HERC5: variants seen among roughly 807,000 people sequenced by gnomAD.
HERC5 encodes E3 ISG15--protein ligase HERC5.
Under a neutral mutation model 119.6 loss-of-function variants are expected in HERC5, and 99 were observed. The ratio of observed to expected loss-of-function variants is 0.83; its 90% CI spans 0.70 to 0.98. The LOEUF (loss-of-function observed/expected upper bound fraction) is 0.98. Ranked by LOEUF, HERC5 falls within the 50% of genes least tolerant of loss-of-function variation. The pLI is 0.00. For synonymous variants in HERC5, 478 were observed against 445.9 expected, an observed-to-expected ratio of 1.07 and a Z score of -0.91; for missense variants, 1,267 against 1,241.3, an observed-to-expected ratio of 1.02 and a Z score of -0.31.
Position 88,504,286 on chromosome 4 carries a change from G to T in HERC5, c.2637G>T (p.Ala879=), listed in dbSNP as rs761284663. 1.9e-6 allele frequency: 3 copies of T among 1,611,802 alleles called. No homozygotes were observed. The highest frequency in any genetic ancestry group is 2.5e-6 in the Non-Finnish European group (3 of 1,178,272). ...ACATTTTCAACGACTCTGTAAAGGCGGTTTATGAAGAATTTCGGAGAGGAT... is the reference window on the plus strand; with the variant it reads ...ACATTTTCAACGACTCTGTAAAGGCTGTTTATGAAGAATTTCGGAGAGGAT... The part of the protein sequence containing the change: ...INYIFNDSVK[A]VYEEFRRGFY... Residue 879 remains alanine (A), a synonymous_variant, in exon 21 of 23, where the codon GCG becomes GCT. Transcript: ENST00000264350.
chr4:88,497,252 T>C (rs1415017783), intron 18 of HERC5, among the ~76,000 whole-genome samples: 1 of 152,092 alleles, frequency 6.6e-6, no homozygotes, highest in African/African-American at 2.4e-5. Context: ...GCTAGAAAAA[T>C]CATGTATTGC....
intron 12 of HERC5, among the ~76,000 whole-genome samples, chr4:88,477,947 A>G (rs1741141789): frequency 6.8e-6 from 1 of 148,016 alleles, no homozygotes; most frequent in Non-Finnish European, 1.5e-5. Context: ...TGCATTCACG[A>G]ACGATTTTTA....
At chr4:88,486,801 A>G (rs1306332662) in intron 14 of HERC5, among the ~76,000 whole-genome samples, 1 of 152,186 alleles carries the variant, frequency 6.6e-6, no homozygotes, top group Non-Finnish European at 1.5e-5. Flanking sequence ...GTAGAAACTC[A>G]GGTTTCAGCA....
rs910278497 is a variant in HERC5, at chr4:88,467,948, G to A, written c.1058-398G>A. 6.2e-5 allele frequency: 54 copies of A among 871,620 alleles called. No homozygotes were observed. The Admixed American group carries it at 1.2e-3, about 20-fold the overall frequency. 54.0% of individuals were successfully genotyped at this position (871,620 alleles called of 1,614,324 possible). The stretch of plus-strand genomic sequence containing the variant: ...TCCTTAAGCAGCATGTATTATCTTT[G>A]ATTCCTTATAACAGTTACATGGGCT... On this transcript the variant is annotated intron_variant, in intron 7 of 22. Transcript: ENST00000264350.
chr4:88,462,233 G>T lies in HERC5; in HGVS notation c.565G>T (p.Ala189Ser), dbSNP rs776068909. ...TTTPQIVEHL[A>S]GVPLAQISAG... ...CACACCACAGATTGTGGAGCACCTC[G>T]CAGGAGTACCCTTGGCTCAGATTTC... Residue 189 changes from alanine (A) to serine (S), a missense_variant, in exon 4 of 23, where the codon GCA becomes TCA. Coordinates refer to ENST00000264350, the MANE Select transcript of HERC5 (RefSeq NM_016323.4). 6.2e-7 allele frequency: 1 copy of T among 1,614,046 alleles called. No individual in the cohort carries two copies. The highest frequency in any genetic ancestry group is 8.5e-7 in the Non-Finnish European group (1 of 1,180,038).
chr4:88,491,869 A>G (rs569685108), intron 16 of HERC5, among the ~76,000 whole-genome samples: 1 of 152,248 alleles, frequency 6.6e-6, no homozygotes, highest in East Asian at 1.9e-4. Context: ...TGAAGGAGCA[A>G]AGATGGGTTA....
At chr4:88,464,968 C>T (rs923049841) in intron 6 of HERC5, among the ~76,000 whole-genome samples, 1 of 152,082 alleles carries the variant, frequency 6.6e-6, no homozygotes, top group Non-Finnish European at 1.5e-5. Flanking sequence ...GACGGGGTTT[C>T]ACTGTGTTAG....
intron 18 of HERC5, among the ~76,000 whole-genome samples, chr4:88,495,627 C>T (rs1189970579): frequency 6.6e-6 from 1 of 151,894 alleles, no homozygotes; most frequent in Non-Finnish European, 1.5e-5. Flanking sequence ...TTTACAGATT[C>T]AGAAACTAAA....
Position 88,506,105 on chromosome 4 carries a change from T to A in HERC5, c.*227T>A. 1 of 473,794 alleles carries A rather than the reference T, an allele frequency of 2.1e-6. No homozygotes were observed. Among genetic ancestry groups the A allele is most frequent in the Admixed American group, 3.9e-5 (1 of 25,970 alleles). The allele number at this position is 473,794 out of a possible 1,614,324, so 29.3% of individuals were successfully genotyped here. On this transcript the variant is annotated 3_prime_UTR_variant, in exon 23 of 23. Coordinates refer to ENST00000264350, the MANE Select transcript of HERC5 (RefSeq NM_016323.4). Reference sequence around the variant, plus strand: ...TCCCTTGGATACCCCTATGCCTACATCATATTCCTTACCTCTTTTGGGAAA... The same window carrying A: ...TCCCTTGGATACCCCTATGCCTACAACATATTCCTTACCTCTTTTGGGAAA...
At chr4:88,488,373 A>G (rs2149102299) in intron 15 of HERC5, among the ~76,000 whole-genome samples, 1 of 151,858 alleles carries the variant, frequency 6.6e-6, no homozygotes, top group South Asian at 2.1e-4. Flanking sequence ...CTGGGATTAC[A>G]GGTGCCCGCC....
At chr4:88,482,024 G>A (rs2149098861) in intron 13 of HERC5, among the ~76,000 whole-genome samples, 1 of 152,226 alleles carries the variant, frequency 6.6e-6, no homozygotes, top group African/African-American at 2.4e-5. Flanking sequence ...AAAAATGGTG[G>A]CTTGCTGGGT....
At chr4:88,502,699 CTT>C (rs1741980451) in intron 20 of HERC5, among the ~76,000 whole-genome samples, 1 of 152,136 alleles carries the variant, frequency 6.6e-6, no homozygotes, top group South Asian at 2.1e-4. Flanking sequence ...TATTACTAGT[CTT>C]TTTTAAATTA....
intron 9 of HERC5, 58 bp from the exon 10 acceptor site, chr4:88,470,556 G>A (rs986230561): frequency 1.1e-5 from 9 of 834,390 alleles, no homozygotes; most frequent in Non-Finnish European, 1.8e-5. Flanking sequence ...TAAAGAAAGA[G>A]GCTGTATGTA....
intron 6 of HERC5, among the ~76,000 whole-genome samples, chr4:88,464,927 C>T (rs1269430672): frequency 4.6e-5 from 7 of 152,054 alleles, no homozygotes; most frequent in African/African-American, 1.7e-4. Flanking sequence ...CCCGCCACCA[C>T]GCCTGGCTAA....
At chr4:88,492,061 T>C (rs923248996) in intron 16 of HERC5, among the ~76,000 whole-genome samples, 8 of 152,108 alleles carry the variant, frequency 5.3e-5, no homozygotes, top group Admixed American at 1.3e-4. Flanking sequence ...TGGAGAGCAG[T>C]GGTGCGACCT....
rs200417801 is a variant in HERC5 at position 88,460,069 on chromosome 4, A to T, written c.390-26A>T. On this transcript the variant is annotated intron_variant, in intron 2 of 22. Transcript: ENST00000264350. ...GTTGTAACTTTCATTATGGTGATTA[A>T]CACAAAGTGTATTTTCCTTCATCAG... is the stretch of plus-strand genomic sequence containing the variant. 4.9e-6 allele frequency: 6 copies of T among 1,236,480 alleles called. 1 individual carries two copies. In the South Asian group the frequency reaches 5.0e-5, roughly 10 times the overall value. 76.6% of individuals were successfully genotyped at this position (1,236,480 alleles called of 1,614,324 possible).
At chr4:88,457,869 C>G in intron 1 of HERC5, 1 of 1,056,296 alleles carries the variant, frequency 9.5e-7, no homozygotes, top group Non-Finnish European at 1.2e-6. Context: ...CCCCCGCCCG[C>G]CGCATCTCCC....
In HERC5 at chr4:88,457,508, C is replaced by A; in HGVS notation, c.239C>A (p.Ala80Asp). Residue 80 changes from alanine (A) to aspartate (D), a missense_variant, in exon 1 of 23, where the codon GCC (alanine) becomes GAC (aspartate). Ala to Asp is a moderately radical substitution (Grantham distance 126, BLOSUM62 -2). Transcript: ENST00000264350. Reference protein sequence around the residue: ...GAGVQVHQLLAGSGGARTPKC... With the variant: ...GAGVQVHQLLDGSGGARTPKC... ...GGCGTCCAGGTTCACCAGCTGCTCG[C>A]CGGGAGCGGCGGCGCCCGGACGCCG... 7.8e-7 allele frequency: 1 copy of A among 1,287,384 alleles called. No homozygotes were observed. Among genetic ancestry groups the A allele is most frequent in the Non-Finnish European group, 9.8e-7 (1 of 1,017,590 alleles). 79.7% of individuals were successfully genotyped at this position (1,287,384 alleles called of 1,614,324 possible).
At chr4:88,478,582 A>G (rs749652923) in intron 12 of HERC5, among the ~76,000 whole-genome samples, 5 of 152,110 alleles carry the variant, frequency 3.3e-5, no homozygotes, top group African/African-American at 4.8e-5. Flanking sequence ...TTGTTGTTAA[A>G]TAAGTAGATG....
Sources: allele counts gnomAD v4.1 joint callset (sites outside exome capture counted in the v4.1 genomes callset), GRCh38; gene constraint gnomAD v4.1.1; transcripts MANE v1.5; gene names NCBI Gene and HGNC (gene_info 2026-07-23, HGNC 2026-07-21).